Variants in TRPM3 observed in about 807,000 individuals in gnomAD.
The protein encoded by TRPM3 is long transient receptor potential channel 3.
In TRPM3, 77 loss-of-function variants were observed where a neutral mutation model predicts 181.2. That is an observed-to-expected ratio of 0.42 (90% CI 0.35 to 0.51). The LOEUF is 0.51. Ranked by LOEUF, TRPM3 falls within the 20% of genes least tolerant of loss-of-function variation. TRPM3 has a pLI of 0.01. For synonymous variants in TRPM3, 745 were observed against 796.4 expected, an observed-to-expected ratio of 0.94 and a Z score of 1.09; for missense variants, 1,759 against 2,196.7, an observed-to-expected ratio of 0.80 and a Z score of 3.98.
At chr9:71,341,660 A>G (rs2132608931) in intron 1 of TRPM3, among the ~76,000 whole-genome samples, 2 of 74,032 alleles carry the variant, frequency 2.7e-5, no homozygotes, top group South Asian at 1.4e-3. Flanking sequence ...GAAAAGAAAA[A>G]GAAACTAGTA....
chr9:71,025,856 A>T (rs989216356), intron 1 of TRPM3, among the ~76,000 whole-genome samples: 1 of 152,204 alleles, frequency 6.6e-6, no homozygotes, highest in Non-Finnish European at 1.5e-5. Context: ...CTCAGAGGAA[A>T]GGCATTGAGA....
At chr9:71,153,983 C>G (rs368240073) in intron 1 of TRPM3, among the ~76,000 whole-genome samples, 9 of 151,918 alleles carry the variant, frequency 5.9e-5, no homozygotes, top group Admixed American at 2.0e-4. Context: ...ATATAAATAC[C>G]AAGAGTAAAT....
At chr9:71,248,920 T>A (rs1195293693) in intron 1 of TRPM3, among the ~76,000 whole-genome samples, 1 of 152,298 alleles carries the variant, frequency 6.6e-6, no homozygotes, top group East Asian at 1.9e-4. Flanking sequence ...AAAATCTTCA[T>A]GAAGGAAGAA....
intron 1 of TRPM3, among the ~76,000 whole-genome samples, chr9:71,045,485 G>A (rs148366224): frequency 3.3e-5 from 5 of 152,218 alleles, no homozygotes; most frequent in African/African-American, 9.6e-5. Context: ...TGAGTACCCG[G>A]TGTACAATTC....
intron 3 of TRPM3, 49 bp downstream of exon 3, chr9:70,862,859 T>A (rs2095556551): frequency 6.3e-7 from 1 of 1,589,130 alleles, no homozygotes; most frequent in Admixed American, 1.7e-5. Flanking sequence ...TTTGCAGGAC[T>A]TGAGACTTGA....
intron 9 of TRPM3, among the ~76,000 whole-genome samples, chr9:70,664,808 C>T (rs1378025128): frequency 6.6e-6 from 1 of 151,758 alleles, no homozygotes; most frequent in Non-Finnish European, 1.5e-5. Context: ...ACACCACCAC[C>T]CCCGGCTAAT....
At chr9:70,696,392 C>A (rs1321116557) in intron 8 of TRPM3, among the ~76,000 whole-genome samples, 2 of 152,226 alleles carry the variant, frequency 1.3e-5, no homozygotes, top group Non-Finnish European at 2.9e-5. Context: ...CATCCTCAGT[C>A]TTACCAGTAA....
chr9:70,948,117 A>ATTTT (rs5898171), intron 1 of TRPM3, among the ~76,000 whole-genome samples: 1 of 143,756 alleles, frequency 7.0e-6, no homozygotes, highest in African/African-American at 2.6e-5. Context: ...TGAAAAGCCA[A>ATTTT]TTTTTTTTTT....
chr9:71,044,832 C>T (rs540983397), intron 1 of TRPM3, among the ~76,000 whole-genome samples: 75 of 151,632 alleles, frequency 4.9e-4, no homozygotes, highest in South Asian at 2.7e-3. Context: ...CCACCACGCC[C>T]GGCTAATTTT....
intron 19 of TRPM3, among the ~76,000 whole-genome samples, chr9:70,607,368 A>G (rs2061346573): frequency 6.6e-6 from 1 of 152,194 alleles, no homozygotes; most frequent in Non-Finnish European, 1.5e-5. Context: ...AGACTGGCAT[A>G]CCTTATTTCC....
intron 1 of TRPM3, among the ~76,000 whole-genome samples, chr9:71,176,277 G>A (rs2077103151): frequency 6.6e-6 from 1 of 152,072 alleles, no homozygotes; most frequent in African/African-American, 2.4e-5. Context: ...CCTTCCAGTG[G>A]GACAAGATGT....
chr9:70,785,231 T>C (rs986760308), intron 6 of TRPM3, among the ~76,000 whole-genome samples: 51 of 152,222 alleles, frequency 3.4e-4, no homozygotes, highest in African/African-American at 9.6e-4. Flanking sequence ...CCAGAAGACA[T>C]TGCTGTTTTC....
intron 5 of TRPM3, among the ~76,000 whole-genome samples, chr9:70,835,652 A>G (rs1023829730): frequency 6.6e-6 from 1 of 152,132 alleles, no homozygotes; most frequent in African/African-American, 2.4e-5. Context: ...GGGTGACCCT[A>G]AGCAAGTTAT....
chr9:71,169,054 A>G (rs1222521203), intron 1 of TRPM3, among the ~76,000 whole-genome samples: 1 of 152,134 alleles, frequency 6.6e-6, no homozygotes, highest in African/African-American at 2.4e-5. Context: ...CATCAGGGAG[A>G]TAATAGGGAG....
At chr9:71,122,613 C>A (rs2073768810), upstream of TRPM3, among the ~76,000 whole-genome samples, 1 of 152,162 alleles carries the variant, frequency 6.6e-6, no homozygotes, top group African/African-American at 2.4e-5. Flanking sequence ...ATTATGCAGT[C>A]AGAGCTGAAC....
intron 3 of TRPM3, among the ~76,000 whole-genome samples, chr9:70,846,972 A>T (rs2094986973): frequency 6.6e-6 from 1 of 152,206 alleles, no homozygotes; most frequent in African/African-American, 2.4e-5. Context: ...CTAGATGCAC[A>T]TATTATTATT....
chr9:71,307,703 CAT>C (rs2087495398), intron 1 of TRPM3, among the ~76,000 whole-genome samples: 1 of 152,082 alleles, frequency 6.6e-6, no homozygotes, highest in South Asian at 2.1e-4. Flanking sequence ...GATGTACTAA[CAT>C]ATGATATACT....
intron 1 of TRPM3, among the ~76,000 whole-genome samples, chr9:71,187,900 T>TAGAC (rs1377224126): frequency 2.3e-4 from 19 of 82,782 alleles, no homozygotes; most frequent in African/African-American, 8.4e-4. Context: ...GATAGATAGA[T>TAGAC]AGATAGATAG....
At chr9:71,176,633 G>C (rs2077117752) in intron 1 of TRPM3, among the ~76,000 whole-genome samples, 1 of 152,006 alleles carries the variant, frequency 6.6e-6, no homozygotes, top group African/African-American at 2.4e-5. Flanking sequence ...GTCTAAAGTA[G>C]TGTATAGTAA....
Sources: allele counts gnomAD v4.1 joint callset (sites outside exome capture counted in the v4.1 genomes callset), GRCh38; gene constraint gnomAD v4.1.1; transcripts MANE v1.5; gene names NCBI Gene and HGNC (gene_info 2026-07-23, HGNC 2026-07-21).